DHRSX: variants seen among roughly 807,000 people sequenced by gnomAD.
DHRSX encodes dehydrogenase/reductase X-linked.
A neutral mutation model predicts 34.0 loss-of-function variants in DHRSX; 31 were observed. The ratio of observed to expected loss-of-function variants is 0.91; its 90% CI spans 0.69 to 1.23. The LOEUF is 1.23. DHRSX is among the 50% of genes most tolerant of loss of function. The pLI is 0.00. For synonymous variants in DHRSX, 201 were observed against 183.8 expected (o/e 1.09, Z -0.76); for missense variants, 414 against 428.1 (o/e 0.97, Z 0.29).
intron 1 of DHRSX, among the ~76,000 whole-genome samples, chrX:2,452,887 A>G (rs2044244666): frequency 6.6e-6 from 1 of 152,212 alleles, no homozygotes; most frequent in African/African-American, 2.4e-5. Flanking sequence ...TAGTCATCCC[A>G]CCACTGGGTG....
At chrX:2,252,331 G>T (rs148211493) in intron 5 of DHRSX, among the ~76,000 whole-genome samples, 4 of 152,130 alleles carry the variant, frequency 2.6e-5, no homozygotes, top group Non-Finnish European at 4.4e-5. Context: ...TCTGATCCAA[G>T]ATAAACTGTA....
intron 1 of DHRSX, among the ~76,000 whole-genome samples, chrX:2,476,240 A>AC (rs71281908): frequency 0.31 from 46,564 of 150,914 alleles, 7,713 homozygotes; most frequent in African/African-American, 0.42. Flanking sequence ...ACACACACAC[A>AC]AAAAAAAATT....
rs866446756 is a variant in DHRSX at position 2,377,113 on chromosome X, G to T, written c.286+31632C>A. ...CCGTCCCCAGCCTTTCTGGCACAGA[G>T]ACTAGTTTCATGGAACACAATTTTT... On this transcript the variant is annotated intron_variant, in intron 3 of 6. Transcript: ENST00000334651. Among the ~76,000 whole-genome samples, 11 of 152,128 alleles carry T rather than the reference G, an allele frequency of 7.2e-5. No homozygotes were observed. The Middle Eastern group carries it at 0.01, about 141-fold the overall frequency.
At chrX:2,411,281 T>A (rs1321794779) in intron 2 of DHRSX, among the ~76,000 whole-genome samples, 1 of 152,012 alleles carries the variant, frequency 6.6e-6, no homozygotes, top group Admixed American at 6.6e-5. Context: ...CGGTGGCTCA[T>A]GCCTGTAATC....
chrX:2,336,543 C>T (rs917453203), intron 3 of DHRSX: 2 of 152,006 alleles, frequency 1.3e-5, no homozygotes, highest in Non-Finnish European at 2.9e-5. Context: ...TCCTGTTCAC[C>T]TTCTCCCATG....
Position 2,489,366 on chromosome X carries a change from C to T in DHRSX, c.109+11451G>A, listed in dbSNP as rs200255185. The T allele has an allele frequency of 3.7e-4, 593 of 1,613,912 alleles. 5 individuals are homozygous for T. Among genetic ancestry groups the T allele is most frequent in the South Asian group, 3.4e-3 (307 of 91,070 alleles). The stretch of plus-strand genomic sequence containing the variant: ...TGGTAGGTCTTGGAAAGCTCCTTGG[C>T]GATGACCTCCTTGGCCATGCTGAGC... On this transcript the variant is annotated intron_variant, in intron 1 of 6. Coordinates refer to ENST00000334651, the MANE Select transcript of DHRSX (RefSeq NM_145177.3).
At chrX:2,267,607 G>A (rs185529789) in intron 4 of DHRSX, among the ~76,000 whole-genome samples, 1 of 151,590 alleles carries the variant, frequency 6.6e-6, no homozygotes, top group East Asian at 1.9e-4. Context: ...ACACACAAGA[G>A]AGTGAGAATC....
chrX:2,382,708 CCAT>C (rs771407811), intron 3 of DHRSX, among the ~76,000 whole-genome samples: 6,457 of 34,616 alleles, frequency 0.19, 211 homozygotes, highest in Middle Eastern at 0.32. Flanking sequence ...ATCACCATCA[CCAT>C]CATCACCACC....
rs746507831 is a variant in DHRSX, at chrX:2,479,288, T to A, written c.109+21529A>T. Reference sequence around the variant, plus strand: ...ACACACTGAAGACATTCCCTAAGCATGTGGCCCAAGGGACTCCCGCACTGT... The same window carrying A: ...ACACACTGAAGACATTCCCTAAGCAAGTGGCCCAAGGGACTCCCGCACTGT... On this transcript the variant is annotated intron_variant, in intron 1 of 6. Transcript: ENST00000334651. Among the ~76,000 whole-genome samples the A allele has an allele frequency of 4.9e-4, 74 of 150,776 alleles. No individual in the cohort carries two copies. The South Asian group carries it at 0.015, about 31-fold the overall frequency.
chrX:2,254,997 T>C (rs1338959721), intron 5 of DHRSX, among the ~76,000 whole-genome samples: 1 of 142,246 alleles, frequency 7.0e-6, no homozygotes, highest in Non-Finnish European at 1.5e-5. Context: ...TCTTGCTCTG[T>C]TGCCCAGGCC....
intron 2 of DHRSX, among the ~76,000 whole-genome samples, chrX:2,409,817 C>T (rs1051837601): frequency 6.6e-6 from 1 of 151,950 alleles, no homozygotes; most frequent in Non-Finnish European, 1.5e-5. Flanking sequence ...GCAACCTCCA[C>T]CTCTCTGATT....
intron 3 of DHRSX, among the ~76,000 whole-genome samples, chrX:2,391,259 C>T (rs2043332338): frequency 6.6e-6 from 1 of 152,158 alleles, no homozygotes; most frequent in South Asian, 2.1e-4. Flanking sequence ...TTGGCAGGAT[C>T]AGTCTATCCT....
intron 6 of DHRSX, among the ~76,000 whole-genome samples, chrX:2,240,873 C>A (rs1462092668): frequency 1.3e-5 from 2 of 151,982 alleles, no homozygotes; most frequent in Non-Finnish European, 2.9e-5. Flanking sequence ...CTCCCAGATA[C>A]ATATCACTTC....
intron 6 of DHRSX, among the ~76,000 whole-genome samples, chrX:2,231,064 G>C (rs2124408749): frequency 6.6e-6 from 1 of 152,200 alleles, no homozygotes; most frequent in Admixed American, 6.6e-5. Context: ...TCAATCAAAA[G>C]CACAGAGACT....
At chrX:2,377,022 C>T (rs1375271910) in intron 3 of DHRSX, among the ~76,000 whole-genome samples, 1 of 151,388 alleles carries the variant, frequency 6.6e-6, no homozygotes, top group Non-Finnish European at 1.5e-5. Flanking sequence ...AAGAGGAACA[C>T]TGTGGCATAG....
chrX:2,286,247 A>G (rs1384441719), intron 4 of DHRSX, among the ~76,000 whole-genome samples: 3 of 152,188 alleles, frequency 2.0e-5, no homozygotes, highest in Non-Finnish European at 4.4e-5. Flanking sequence ...TGCTGAATCC[A>G]TTCTCAGTGC....
chrX:2,299,692 TA>T lies in DHRSX; in HGVS notation c.287-8090del, dbSNP rs763046678. On this transcript the variant is annotated intron_variant, in intron 3 of 6. Coordinates refer to ENST00000334651, the MANE Select transcript of DHRSX (RefSeq NM_145177.3). The stretch of plus-strand genomic sequence containing the variant: ...CAACATGGTGAAATCCGGTCTCTAC[TA>T]AAAATACAAAAATTAGCCAGGTGTG... Among the ~76,000 whole-genome samples, 4 of 151,938 alleles carry T rather than the reference TA, an allele frequency of 2.6e-5. No individual in the cohort carries two copies. The East Asian group carries it at 7.7e-4, about 29-fold the overall frequency.
chrX:2,420,390 A>T (rs1569499114), intron 2 of DHRSX, among the ~76,000 whole-genome samples: 1 of 149,476 alleles, frequency 6.7e-6, no homozygotes, highest in Non-Finnish European at 1.5e-5. Flanking sequence ...CCTGGGCAAT[A>T]ACAGCGAAAC....
At chrX:2,470,618 G>A (rs1191976371) in intron 1 of DHRSX, among the ~76,000 whole-genome samples, 2 of 151,970 alleles carry the variant, frequency 1.3e-5, no homozygotes, top group Non-Finnish European at 2.9e-5. Flanking sequence ...TGAGGTGGGA[G>A]GGTCACCTGA....
Sources: allele counts gnomAD v4.1 joint callset (sites outside exome capture counted in the v4.1 genomes callset), GRCh38; gene constraint gnomAD v4.1.1; transcripts MANE v1.5; gene names NCBI Gene and HGNC (gene_info 2026-07-23, HGNC 2026-07-21).